PDE4B: variants seen among roughly 807,000 people sequenced by gnomAD.
The protein encoded by PDE4B is 3',5'-cyclic-AMP phosphodiesterase 4B.
In PDE4B, 20 loss-of-function variants were observed where a neutral mutation model predicts 82.2. The observed-to-expected ratio is 0.24, with a 90% CI of 0.17 to 0.35. The LOEUF is 0.35. Among genes scored for constraint, PDE4B ranks in the 10% least tolerant of loss-of-function variants. The pLI, the probability that PDE4B is intolerant of heterozygous loss-of-function variation, is 1.00. For missense variants in PDE4B, 655 were observed against 907.2 expected (o/e 0.72, Z 3.57); for synonymous variants, 320 against 318.9 (o/e 1.00, Z -0.04).
chr1:65,954,395 G>A (rs1649153299), intron 3 of PDE4B, among the ~76,000 whole-genome samples: 1 of 151,982 alleles, frequency 6.6e-6, no homozygotes, highest in African/African-American at 2.4e-5. Flanking sequence ...TGAGGCAGTA[G>A]CAACCTAATT....
chr1:66,327,933 T>C (rs531334129), intron 7 of PDE4B, among the ~76,000 whole-genome samples: 2 of 152,352 alleles, frequency 1.3e-5, no homozygotes, highest in Admixed American at 1.3e-4. Flanking sequence ...TAGACCAAGA[T>C]ATAGTCTTGC....
intron 3 of PDE4B, among the ~76,000 whole-genome samples, chr1:66,058,437 G>T (rs1318298734): frequency 1.3e-5 from 2 of 152,242 alleles, no homozygotes; most frequent in Non-Finnish European, 2.9e-5. Flanking sequence ...TAGGGACTCT[G>T]TGTGGGGGCT....
intron 7 of PDE4B, among the ~76,000 whole-genome samples, chr1:66,298,156 G>T (rs548960945): frequency 5.3e-5 from 8 of 152,254 alleles, no homozygotes; most frequent in Admixed American, 4.6e-4. Flanking sequence ...ATATACTTTT[G>T]TTCTCATGCT....
chr1:66,103,833 A>G (rs914436573), intron 3 of PDE4B, among the ~76,000 whole-genome samples: 1 of 152,094 alleles, frequency 6.6e-6, no homozygotes, highest in Non-Finnish European at 1.5e-5. Context: ...ATGCTCCATT[A>G]CTTTCTAGGA....
intron 1 of PDE4B, among the ~76,000 whole-genome samples, chr1:65,902,542 C>G (rs922116781): frequency 6.6e-6 from 1 of 152,126 alleles, no homozygotes; most frequent in Non-Finnish European, 1.5e-5. Context: ...TAACTTTCCT[C>G]TAAGTTATTG....
intron 16 of PDE4B, among the ~76,000 whole-genome samples, chr1:66,370,256 C>T (rs536652793): frequency 1.3e-4 from 20 of 150,096 alleles, no homozygotes; most frequent in Middle Eastern, 3.6e-3. Flanking sequence ...AGGGTTAATT[C>T]GAATAGCCCA....
intron 3 of PDE4B, among the ~76,000 whole-genome samples, chr1:66,145,113 C>A (rs1270678346): frequency 1.3e-5 from 2 of 152,174 alleles, no homozygotes; most frequent in Non-Finnish European, 2.9e-5. Context: ...TCAGCATTAA[C>A]CTATTCCTTT....
chr1:66,285,571 C>A (rs1557679385), intron 7 of PDE4B, among the ~76,000 whole-genome samples: 1 of 152,086 alleles, frequency 6.6e-6, no homozygotes, highest in Non-Finnish European at 1.5e-5. Flanking sequence ...GTTTAACTCC[C>A]ACTTATAAGT....
intron 1 of PDE4B, among the ~76,000 whole-genome samples, chr1:65,808,562 G>A (rs1249431312): frequency 6.6e-6 from 1 of 152,220 alleles, no homozygotes; most frequent in South Asian, 2.1e-4. Flanking sequence ...GGAATGGGAG[G>A]ACGTGTTTGA....
chr1:65,982,489 A>G (rs1414987681), intron 3 of PDE4B, among the ~76,000 whole-genome samples: 1 of 152,198 alleles, frequency 6.6e-6, no homozygotes, highest in Non-Finnish European at 1.5e-5. Context: ...GAGAGCATCA[A>G]AAGTGTGACT....
At chr1:66,109,534 T>C (rs1297798186) in intron 3 of PDE4B, among the ~76,000 whole-genome samples, 3 of 151,884 alleles carry the variant, frequency 2.0e-5, no homozygotes, top group African/African-American at 7.2e-5. Context: ...ATTAACTGCA[T>C]AGTATTAGTT....
At chr1:66,021,142 T>C (rs1482536930) in intron 3 of PDE4B, among the ~76,000 whole-genome samples, 1 of 152,224 alleles carries the variant, frequency 6.6e-6, no homozygotes, top group African/African-American at 2.4e-5. Context: ...TTATATCCTT[T>C]GCCCACTTTT....
chr1:65,824,660 CAT>C (rs560340376), intron 1 of PDE4B, among the ~76,000 whole-genome samples: 19 of 149,332 alleles, frequency 1.3e-4, no homozygotes, highest in African/African-American at 2.4e-4. Flanking sequence ...TATATACATA[CAT>C]ATATATATAT....
chr1:65,896,025 C>T (rs1401102223), intron 1 of PDE4B, among the ~76,000 whole-genome samples: 3 of 150,576 alleles, frequency 2.0e-5, no homozygotes, highest in Non-Finnish European at 4.4e-5. Flanking sequence ...TTTCTGTAAC[C>T]TTTGCATTCT....
intron 3 of PDE4B, among the ~76,000 whole-genome samples, chr1:66,173,445 TG>T (rs1646875808): frequency 1.3e-5 from 2 of 152,092 alleles, no homozygotes. Flanking sequence ...GAAATCGAAT[TG>T]TATTCTATTT....
At chr1:66,142,493 C>A (rs1176699290) in intron 3 of PDE4B, among the ~76,000 whole-genome samples, 3 of 152,054 alleles carry the variant, frequency 2.0e-5, no homozygotes, top group Non-Finnish European at 4.4e-5. Context: ...AACACACTAA[C>A]AGTGGTTTTT....
At chr1:66,128,954 T>G (rs1645878133) in intron 3 of PDE4B, among the ~76,000 whole-genome samples, 1 of 152,216 alleles carries the variant, frequency 6.6e-6, no homozygotes, top group African/African-American at 2.4e-5. Flanking sequence ...ATGGGAATTA[T>G]GGGAGCTACA....
At chr1:66,205,848 G>C (rs77041411) in intron 3 of PDE4B, among the ~76,000 whole-genome samples, 1 of 152,178 alleles carries the variant, frequency 6.6e-6, no homozygotes, top group Admixed American at 6.5e-5. Context: ...TTGAGCTCAT[G>C]CCCTGTTGCC....
intron 6 of PDE4B, among the ~76,000 whole-genome samples, chr1:66,265,746 C>A (rs968278460): frequency 3.3e-5 from 5 of 152,138 alleles, no homozygotes; most frequent in Non-Finnish European, 5.9e-5. Flanking sequence ...CTTCTTGGAA[C>A]AGCAAAACTT....
Sources: gnomAD v4.1 joint callset for allele counts (sites outside exome capture counted in the v4.1 genomes callset) on GRCh38, gnomAD v4.1.1 for gene constraint, MANE v1.5 for transcripts, NCBI Gene and HGNC (gene_info 2026-07-23, HGNC 2026-07-21) for gene names.